PTPRT: variants seen among roughly 807,000 people sequenced by gnomAD.
PTPRT encodes protein tyrosine phosphatase receptor type T, also known as receptor-type tyrosine-protein phosphatase T.
Under a neutral mutation model 176.8 loss-of-function variants are expected in PTPRT, and 56 were observed. The observed-to-expected ratio is 0.32, with a 90% CI of 0.26 to 0.40. The LOEUF (loss-of-function observed/expected upper bound fraction) is 0.40, where lower values mean the gene tolerates loss of function less well. Among genes scored for constraint, PTPRT ranks in the 10% least tolerant of loss-of-function variants. The pLI is 1.00. For missense variants in PTPRT, 1,540 were observed against 1,908.2 expected (o/e 0.81, Z 3.60); for synonymous variants, 783 against 739.0 (o/e 1.06, Z -0.96).
At chr20:42,904,199 C>G (rs897904364) in intron 1 of PTPRT, among the ~76,000 whole-genome samples, 1 of 152,114 alleles carries the variant, frequency 6.6e-6, no homozygotes, top group Non-Finnish European at 1.5e-5. Context: ...TTTTTTTAAT[C>G]TGCAAAGGAC....
intron 1 of PTPRT, among the ~76,000 whole-genome samples, chr20:42,894,136 G>A (rs902340722): frequency 2.6e-5 from 4 of 152,108 alleles, no homozygotes; most frequent in Admixed American, 2.6e-4. Flanking sequence ...TTGATCTAAG[G>A]AAGCGCCATA....
At chr20:42,419,890 G>A (rs534565140) in intron 9 of PTPRT, among the ~76,000 whole-genome samples, 2 of 152,280 alleles carry the variant, frequency 1.3e-5, no homozygotes, top group East Asian at 3.9e-4. Context: ...CACACCTAGC[G>A]AGAACGCCAC....
chr20:42,729,054 G>A (rs1038155407), intron 6 of PTPRT, among the ~76,000 whole-genome samples: 5 of 152,026 alleles, frequency 3.3e-5, no homozygotes, highest in Non-Finnish European at 5.9e-5. Context: ...CTTCGAGGAG[G>A]TGAGTTTGTC....
intron 13 of PTPRT, among the ~76,000 whole-genome samples, chr20:42,259,935 G>A (rs886982379): frequency 6.6e-6 from 1 of 152,206 alleles, no homozygotes; most frequent in South Asian, 2.1e-4. Context: ...TCAACCCTTG[G>A]CTTCATAGGA....
intron 1 of PTPRT, among the ~76,000 whole-genome samples, chr20:43,163,069 G>T (rs2014742927): frequency 6.6e-6 from 1 of 152,198 alleles, no homozygotes; most frequent in South Asian, 2.1e-4. Context: ...AGAAGAACTG[G>T]CTAGGAAGAG....
At chr20:43,105,967 A>C (rs1056885844) in intron 1 of PTPRT, among the ~76,000 whole-genome samples, 11 of 152,138 alleles carry the variant, frequency 7.2e-5, no homozygotes, top group Admixed American at 5.2e-4. Flanking sequence ...AATGGTGTGC[A>C]CTGAAGCCCA....
chr20:42,508,678 C>T (rs1010485358), intron 7 of PTPRT, among the ~76,000 whole-genome samples: 1 of 151,756 alleles, frequency 6.6e-6, no homozygotes, highest in Non-Finnish European at 1.5e-5. Context: ...CGTGCCATAG[C>T]TAGTAAGTAG....
At chr20:42,555,535 C>T (rs559351330) in intron 7 of PTPRT, among the ~76,000 whole-genome samples, 1 of 152,242 alleles carries the variant, frequency 6.6e-6, no homozygotes, top group South Asian at 2.1e-4. Context: ...GGAAGTTGTG[C>T]TAGGATGTGT....
At chr20:42,981,382 T>C (rs1983262518) in intron 1 of PTPRT, among the ~76,000 whole-genome samples, 1 of 152,214 alleles carries the variant, frequency 6.6e-6, no homozygotes, top group African/African-American at 2.4e-5. Context: ...AATATCTACT[T>C]CCCTGTAACC....
In PTPRT at chr20:42,397,936, T is replaced by A. The variant is rs1054363708; in HGVS notation, c.1561-45651A>T. On this transcript the variant is annotated intron_variant, in intron 9 of 30. Transcript: ENST00000373187. ...TAGACACTTACTTTGTACCAGTCAT[T>A]TTCTTGGGCAATTTCTTATGTCATC... Among the ~76,000 whole-genome samples the A allele has an allele frequency of 4.6e-5, 7 of 152,166 alleles. No individual in the cohort carries two copies. In the East Asian group the frequency reaches 1.3e-3, roughly 29 times the overall value.
rs75255748 is a variant in PTPRT at position 42,254,181 on chromosome 20, T to C, written c.2177-5359A>G. On this transcript the variant is annotated intron_variant, in intron 13 of 30. Transcript: ENST00000373187. The stretch of plus-strand genomic sequence containing the variant: ...AGACCTAACAAGGGCAGTGCTGCCC[T>C]GCTCTACTCTGCACTGGTCAGAATG... 5.2e-3 allele frequency among the ~76,000 whole-genome samples: 797 copies of C among 152,332 alleles called. 2 individuals carry two copies. Among genetic ancestry groups the C allele is most frequent in the Non-Finnish European group, 8.5e-3 (581 of 68,034 alleles).
chr20:42,787,248 T>A (rs995487299), intron 3 of PTPRT, among the ~76,000 whole-genome samples: 7 of 152,150 alleles, frequency 4.6e-5, no homozygotes, highest in African/African-American at 1.7e-4. Context: ...TCACTGAAAC[T>A]GGGGCACACT....
intron 1 of PTPRT, among the ~76,000 whole-genome samples, chr20:43,092,962 AAC>A (rs746198360): frequency 2.0e-5 from 3 of 152,360 alleles, no homozygotes; most frequent in African/African-American, 7.2e-5. Context: ...TAGAAAAGTT[AAC>A]ACACACACAT....
chr20:42,716,428 T>G (rs574923751), intron 6 of PTPRT, among the ~76,000 whole-genome samples: 1 of 152,334 alleles, frequency 6.6e-6, no homozygotes. Flanking sequence ...TCCTGACTTT[T>G]TAATGATCGC....
chr20:42,899,696 CCTAGTA>C (rs754048139), intron 1 of PTPRT, among the ~76,000 whole-genome samples: 35 of 152,190 alleles, frequency 2.3e-4, no homozygotes, highest in Admixed American at 9.2e-4. Flanking sequence ...CATCAAAGAG[CCTAGTA>C]CTTTAACTCT....
At chr20:42,840,550 T>C (rs551151427) in intron 2 of PTPRT, among the ~76,000 whole-genome samples, 18 of 152,208 alleles carry the variant, frequency 1.2e-4, no homozygotes, top group African/African-American at 3.9e-4. Flanking sequence ...GTAGCTGGGA[T>C]TACAGGCATG....
intron 7 of PTPRT, among the ~76,000 whole-genome samples, chr20:42,652,785 G>A (rs555662540): frequency 1.3e-5 from 2 of 152,280 alleles, no homozygotes; most frequent in East Asian, 3.9e-4. Flanking sequence ...CCTGAACAGT[G>A]TGTCCTTCAG....
chr20:42,434,546 T>A (rs1434928265), intron 9 of PTPRT, among the ~76,000 whole-genome samples: 2 of 152,006 alleles, frequency 1.3e-5, no homozygotes, highest in Non-Finnish European at 1.5e-5. Flanking sequence ...TGATTTTGGA[T>A]GGTCCTATAA....
intron 9 of PTPRT, among the ~76,000 whole-genome samples, chr20:42,368,636 T>C (rs1256986285): frequency 2.6e-5 from 4 of 152,214 alleles, no homozygotes; most frequent in Non-Finnish European, 1.5e-5. Flanking sequence ...CTCCTTGGCA[T>C]GTTGAAGGTG....
Sources: allele counts gnomAD v4.1 joint callset (sites outside exome capture counted in the v4.1 genomes callset), GRCh38; gene constraint gnomAD v4.1.1; transcripts MANE v1.5; gene names NCBI Gene and HGNC (gene_info 2026-07-23, HGNC 2026-07-21).